The following SLC4A10 variants were observed in gnomAD, a reference collection of about 807,000 sequenced individuals.
SLC4A10 encodes the protein sodium-driven chloride bicarbonate exchanger.
SLC4A10 carries 42 observed loss-of-function variants against 137.7 expected under a neutral mutation model. The ratio of observed to expected loss-of-function variants is 0.30; its 90% CI spans 0.24 to 0.39. SLC4A10 has a LOEUF of 0.39. SLC4A10 is among the 10% of genes least tolerant of loss of function. SLC4A10 has a pLI of 1.00. For missense variants in SLC4A10, 925 were observed against 1,355.0 expected, an observed-to-expected ratio of 0.68 and a Z score of 4.98; for synonymous variants, 474 against 464.1, an observed-to-expected ratio of 1.02 and a Z score of -0.27.
At chr2:161,694,560 A>C (rs1036727023) in intron 1 of SLC4A10, among the ~76,000 whole-genome samples, 4 of 152,068 alleles carry the variant, frequency 2.6e-5, no homozygotes, top group African/African-American at 9.6e-5. Flanking sequence ...GTAACAGGAA[A>C]AAAAACACCT....
chr2:161,651,174 C>G (rs1320252389), intron 1 of SLC4A10: 1 of 152,490 alleles, frequency 6.6e-6, no homozygotes, highest in Admixed American at 6.6e-5. Flanking sequence ...GAAGGAGCTA[C>G]CCATTTTGGG....
chr2:161,645,659 G>T (rs6744289), intron 1 of SLC4A10, among the ~76,000 whole-genome samples: 133,071 of 152,046 alleles, frequency 0.88, 58,774 homozygotes, highest in East Asian at 1. Context: ...ATTGTATTGT[G>T]TGGATTTTGT....
At chr2:161,711,370 A>G (rs1574497226) in intron 1 of SLC4A10, among the ~76,000 whole-genome samples, 1 of 151,834 alleles carries the variant, frequency 6.6e-6, no homozygotes, top group Non-Finnish European at 1.5e-5. Flanking sequence ...AATAAAGAGT[A>G]GCAAGTATGG....
chr2:161,860,230 A>G (rs1379706198), intron 5 of SLC4A10, among the ~76,000 whole-genome samples: 1 of 152,174 alleles, frequency 6.6e-6, no homozygotes, highest in Non-Finnish European at 1.5e-5. Context: ...TGAACAGATG[A>G]GTGTGTTTTT....
intron 10 of SLC4A10, among the ~76,000 whole-genome samples, chr2:161,886,688 T>C (rs988351712): frequency 6.6e-6 from 1 of 152,138 alleles, no homozygotes; most frequent in African/African-American, 2.4e-5. Context: ...ATTGAAAGAA[T>C]TTATTTTTTA....
rs563679864 is a variant in SLC4A10 at position 161,795,830 on chromosome 2, T to C, written c.131-8619T>C. ...TAGATGGTACATTGTAGATTTTCTATAAAGGCTAGTTTCTTTTTTTTAACT... is the reference window on the plus strand; with the variant it reads ...TAGATGGTACATTGTAGATTTTCTACAAAGGCTAGTTTCTTTTTTTTAACT... On this transcript the variant is annotated intron_variant, in intron 2 of 26. Transcript: ENST00000446997. Among the ~76,000 whole-genome samples, 46 of 152,298 alleles carry C rather than the reference T, an allele frequency of 3.0e-4. 1 individual carries two copies. Among genetic ancestry groups the C allele is most frequent in the African/African-American group, 1.1e-3 (46 of 41,578 alleles).
intron 3 of SLC4A10, among the ~76,000 whole-genome samples, chr2:161,824,069 C>T (rs894660682): frequency 2.0e-5 from 3 of 152,136 alleles, no homozygotes; most frequent in African/African-American, 7.2e-5. Flanking sequence ...AGTACCTTAC[C>T]GGTAAGGAAA....
At chr2:161,862,739 T>A in intron 5 of SLC4A10, 135 bp from the exon 6 acceptor site, 1 of 644,612 alleles carries the variant, frequency 1.6e-6, no homozygotes, top group Non-Finnish European at 2.3e-6. Flanking sequence ...TGCTTAGAGA[T>A]TTTTTAAAGA....
chr2:161,845,865 C>A (rs1423077344), intron 4 of SLC4A10, among the ~76,000 whole-genome samples: 3 of 151,842 alleles, frequency 2.0e-5, no homozygotes, highest in Non-Finnish European at 4.4e-5. Context: ...AAACATAAAG[C>A]CATGAAATTT....
At chr2:161,934,981 G>T (rs1691309610) in intron 15 of SLC4A10, among the ~76,000 whole-genome samples, 1 of 151,812 alleles carries the variant, frequency 6.6e-6, no homozygotes, top group Non-Finnish European at 1.5e-5. Context: ...TCTGTGATTT[G>T]GGGTTAAATC....
chr2:161,817,598 G>A (rs62187691), intron 3 of SLC4A10, among the ~76,000 whole-genome samples: 10,068 of 152,148 alleles, frequency 0.066, 431 homozygotes, highest in East Asian at 0.15. Context: ...TTCTTCTAGG[G>A]TTTTTATGGT....
chr2:161,960,089 T>G, intron 21 of SLC4A10, among the ~76,000 whole-genome samples: 1 of 151,020 alleles, frequency 6.6e-6, no homozygotes. Context: ...AGGGGTTGAG[T>G]GTGGTGTGGC....
chr2:161,626,366 A>G (rs1422715542), intron 1 of SLC4A10, among the ~76,000 whole-genome samples: 1 of 152,164 alleles, frequency 6.6e-6, no homozygotes, highest in Non-Finnish European at 1.5e-5. Flanking sequence ...TTTATAGCTT[A>G]AAAGAGCAGA....
chr2:161,813,033 C>G (rs576358883), intron 3 of SLC4A10, among the ~76,000 whole-genome samples: 4 of 151,944 alleles, frequency 2.6e-5, no homozygotes, highest in Admixed American at 2.6e-4. Flanking sequence ...TTAGCCTGTC[C>G]TTTCCTGAAT....
intron 2 of SLC4A10, among the ~76,000 whole-genome samples, chr2:161,796,416 G>T (rs2054779336): frequency 6.6e-6 from 1 of 152,174 alleles, no homozygotes. Context: ...GCCAGCTAGG[G>T]CTTCTCTCTT....
chr2:161,838,592 G>A (rs930133331), intron 3 of SLC4A10, among the ~76,000 whole-genome samples: 26 of 152,208 alleles, frequency 1.7e-4, no homozygotes, highest in Admixed American at 6.5e-4. Context: ...AAAAAATGTC[G>A]TGTATCCAGA....
At chr2:161,641,912 A>AT (rs1447034137) in intron 1 of SLC4A10, among the ~76,000 whole-genome samples, 1 of 152,050 alleles carries the variant, frequency 6.6e-6, no homozygotes, top group Non-Finnish European at 1.5e-5. Flanking sequence ...TTTAGAAGGT[A>AT]TTGATTCAGC....
chr2:161,633,537 G>A (rs2033927838), intron 1 of SLC4A10, among the ~76,000 whole-genome samples: 2 of 151,612 alleles, frequency 1.3e-5, no homozygotes, highest in South Asian at 4.1e-4. Flanking sequence ...CTACAAAATA[G>A]GAATGGTAAT....
intron 26 of SLC4A10, among the ~76,000 whole-genome samples, chr2:161,979,555 T>C (rs1699912859): frequency 6.6e-6 from 1 of 152,250 alleles, no homozygotes; most frequent in South Asian, 2.1e-4. Flanking sequence ...GTAGTTAATC[T>C]CTTTTATCCT....
Sources: allele counts gnomAD v4.1 joint callset (sites outside exome capture counted in the v4.1 genomes callset), GRCh38; gene constraint gnomAD v4.1.1; transcripts MANE v1.5; gene names NCBI Gene and HGNC (gene_info 2026-07-23, HGNC 2026-07-21).